Variants in CTNNBIP1 observed in about 807,000 individuals in gnomAD.
CTNNBIP1 encodes the protein catenin beta interacting protein 1, also known as beta-catenin-interacting protein 1.
Under a neutral mutation model 11.8 loss-of-function variants are expected in CTNNBIP1, and 7 were observed. That is an observed-to-expected ratio of 0.60 (90% CI 0.34 to 1.12). The LOEUF (loss-of-function observed/expected upper bound fraction) is 1.12, where lower values mean the gene tolerates loss of function less well. Among genes scored for constraint, CTNNBIP1 ranks in the 50% most tolerant of loss-of-function variants. The pLI is 0.03. For missense variants in CTNNBIP1, 101 were observed against 113.4 expected, an observed-to-expected ratio of 0.89 and a Z score of 0.50; for synonymous variants, 58 against 43.9, an observed-to-expected ratio of 1.32 and a Z score of -1.26.
chr1:9,856,123 G>T (rs2101436233), intron 5 of CTNNBIP1, among the ~76,000 whole-genome samples: 1 of 152,018 alleles, frequency 6.6e-6, no homozygotes, highest in South Asian at 2.1e-4. Context: ...ATTCTAGTCT[G>T]GGCGACAGAG....
At chr1:9,898,840 G>C (rs1639461274) in intron 1 of CTNNBIP1, among the ~76,000 whole-genome samples, 1 of 151,986 alleles carries the variant, frequency 6.6e-6, no homozygotes, top group Admixed American at 6.6e-5. Context: ...ATTATTCACA[G>C]TACCTGATAA....
chr1:9,857,629 C>T (rs562432124), intron 5 of CTNNBIP1, among the ~76,000 whole-genome samples: 4 of 152,110 alleles, frequency 2.6e-5, no homozygotes, highest in South Asian at 4.2e-4. Flanking sequence ...GGTGAAACCC[C>T]GTATCTACTA....
chr1:9,897,347 A>G (rs1404446455), intron 1 of CTNNBIP1, among the ~76,000 whole-genome samples: 1 of 152,132 alleles, frequency 6.6e-6, no homozygotes, highest in Admixed American at 6.5e-5. Flanking sequence ...CCAGCTACTC[A>G]GGAGGCTGAG....
chr1:9,872,172 C>T lies in CTNNBIP1; in HGVS notation c.-24-84G>A. Reference sequence around the variant, plus strand: ...ATGACACCTGCTAGTGACCCTCACTCCTCCCAGGAGCCGCTTTCCACCCAC... The same window carrying T: ...ATGACACCTGCTAGTGACCCTCACTTCTCCCAGGAGCCGCTTTCCACCCAC... On this transcript the variant is annotated intron_variant, in intron 3 of 5. Transcript: ENST00000377263. The surrounding 1 kb of genome is among the most constrained non-coding windows in gnomAD (Gnocchi z 4.0). The T allele has an allele frequency of 1.2e-6, 1 of 839,762 alleles. No homozygotes were observed. Among genetic ancestry groups the T allele is most frequent in the Non-Finnish European group, 2.0e-6 (1 of 511,232 alleles). The allele number at this position is 839,762 out of a possible 1,614,324, so 52.0% of individuals were successfully genotyped here.
chr1:9,858,432 T>C (rs1317013357), intron 5 of CTNNBIP1, among the ~76,000 whole-genome samples: 1 of 152,078 alleles, frequency 6.6e-6, no homozygotes, highest in African/African-American at 2.4e-5. Flanking sequence ...ACAACACACC[T>C]CTCACCACTC....
intron 5 of CTNNBIP1, among the ~76,000 whole-genome samples, chr1:9,864,328 C>A (rs1358755552): frequency 6.6e-6 from 1 of 152,206 alleles, no homozygotes; most frequent in African/African-American, 2.4e-5. Context: ...AACACCTTGA[C>A]AAGGGCCTTT....
intron 1 of CTNNBIP1, among the ~76,000 whole-genome samples, chr1:9,906,743 C>A (rs1639627781): frequency 2.0e-5 from 3 of 152,142 alleles, no homozygotes. Context: ...CTATATTGCA[C>A]CCTGGATGAG....
chr1:9,871,106 G>T lies in CTNNBIP1; in HGVS notation c.187+81C>A. On this transcript the variant is annotated intron_variant, in intron 5 of 5. Coordinates refer to ENST00000377263, the MANE Select transcript of CTNNBIP1 (RefSeq NM_020248.3). The surrounding 1 kb of genome is among the most constrained non-coding windows in gnomAD (Gnocchi z 5.2). Reference sequence around the variant, plus strand: ...ATGGATCACCCATCAAAGAGGGCTGGAGCTACGCTTTCTAAGGGAACCACA... The same window carrying T: ...ATGGATCACCCATCAAAGAGGGCTGTAGCTACGCTTTCTAAGGGAACCACA... 9.4e-7 allele frequency: 1 copy of T among 1,058,952 alleles called. No individual in the cohort carries two copies. The highest frequency in any genetic ancestry group is 1.4e-6 in the Non-Finnish European group (1 of 720,122). 65.6% of individuals were successfully genotyped at this position (1,058,952 alleles called of 1,614,324 possible).
intron 3 of CTNNBIP1, among the ~76,000 whole-genome samples, chr1:9,876,818 G>T (rs1258805445): frequency 6.8e-6 from 1 of 147,766 alleles, no homozygotes; most frequent in Non-Finnish European, 1.5e-5. Context: ...CTTCAATTTA[G>T]ACACAGAGAC....
chr1:9,852,459 C>T (rs922780475), intron 5 of CTNNBIP1, among the ~76,000 whole-genome samples: 3 of 152,298 alleles, frequency 2.0e-5, no homozygotes, highest in African/African-American at 4.8e-5. Context: ...ACGAGTTGTC[C>T]AGCTTCCTAG....
intron 5 of CTNNBIP1, among the ~76,000 whole-genome samples, chr1:9,858,053 C>T (rs1638545291): frequency 6.6e-6 from 1 of 152,090 alleles, no homozygotes; most frequent in Non-Finnish European, 1.5e-5. Flanking sequence ...CTTCCCAACC[C>T]CTCTGTCATA....
chr1:9,873,645 G>A (rs1375362809), intron 3 of CTNNBIP1, among the ~76,000 whole-genome samples: 1 of 152,168 alleles, frequency 6.6e-6, no homozygotes, highest in Non-Finnish European at 1.5e-5. Context: ...TTCCCCAGTG[G>A]CCACCTGGAT....
intron 5 of CTNNBIP1, 123 bp from the exon 6 acceptor site, chr1:9,850,899 A>G (rs1042567403): frequency 4.6e-6 from 4 of 874,458 alleles, no homozygotes; most frequent in Non-Finnish European, 7.8e-6. Flanking sequence ...CTCTCTGAGG[A>G]CAAAGTACTT....
chr1:9,900,055 C>G (rs1255636517), intron 1 of CTNNBIP1, among the ~76,000 whole-genome samples: 1 of 145,110 alleles, frequency 6.9e-6, no homozygotes, highest in Non-Finnish European at 1.5e-5. Flanking sequence ...GCCTGGACGA[C>G]AAGACTCCGT....
chr1:9,850,096 C>T lies in CTNNBIP1; in HGVS notation c.*622G>A, dbSNP rs1170693269. Reference sequence around the variant, plus strand: ...ACACGCATCGAAAGCCAATCAAACACAAACCCCAAATGTGAAGGCAGCAGC... The same window carrying T: ...ACACGCATCGAAAGCCAATCAAACATAAACCCCAAATGTGAAGGCAGCAGC... On this transcript the variant is annotated 3_prime_UTR_variant, in exon 6 of 6. Coordinates refer to ENST00000377263, the MANE Select transcript of CTNNBIP1 (RefSeq NM_020248.3). The T allele has an allele frequency of 6.6e-6, 1 of 152,658 alleles. No homozygotes were observed. Among genetic ancestry groups the T allele is most frequent in the Non-Finnish European group, 1.5e-5 (1 of 68,062 alleles). 9.5% of individuals were successfully genotyped at this position (152,658 alleles called of 1,614,324 possible).
At chr1:9,897,675 G>A (rs903643977) in intron 1 of CTNNBIP1, among the ~76,000 whole-genome samples, 4 of 151,764 alleles carry the variant, frequency 2.6e-5, no homozygotes, top group Non-Finnish European at 4.4e-5. Context: ...TTAGCCAAGC[G>A]TGGTGGCAGG....
rs1026035530 is a variant in CTNNBIP1 at position 9,851,587 on chromosome 1, G to A, written c.188-811C>T. Among the ~76,000 whole-genome samples, 1 of 152,140 alleles carries A rather than the reference G, an allele frequency of 6.6e-6. No individual in the cohort carries two copies. On this transcript the variant is annotated intron_variant, in intron 5 of 5. Transcript: ENST00000377263. This position sits in a 1 kb window ranked among gnomAD's most constrained non-coding sequence, Gnocchi z 4.8. ...GAGGTTTCACCATGTTGGTCAGGCT[G>A]GTCTCAAACTCCTGACCTCATGATC... is the stretch of plus-strand genomic sequence containing the variant.
At chr1:9,878,791 G>A (rs1389556403) in intron 2 of CTNNBIP1, among the ~76,000 whole-genome samples, 1 of 152,198 alleles carries the variant, frequency 6.6e-6, no homozygotes, top group African/African-American at 2.4e-5. Context: ...CTCTGCTGGG[G>A]TGCAAGACCC....
chr1:9,857,809 TAAC>T lies in CTNNBIP1; in HGVS notation c.188-7036_188-7034del, dbSNP rs199798148. Reference sequence around the variant, plus strand: ...GACCAAGATTCCGTCTCAAAAACAATAACAACAACAACAACAAAAATCCAAAAC... The same window carrying T: ...GACCAAGATTCCGTCTCAAAAACAATAACAACAACAACAAAAATCCAAAAC... On this transcript the variant is annotated intron_variant, in intron 5 of 5. Coordinates refer to ENST00000377263, the MANE Select transcript of CTNNBIP1 (RefSeq NM_020248.3). Among the ~76,000 whole-genome samples the T allele has an allele frequency of 6.4e-4, 98 of 152,078 alleles. No individual in the cohort carries two copies. In the East Asian group the frequency reaches 8.7e-3, roughly 13 times the overall value.
Sources: allele counts gnomAD v4.1 joint callset (sites outside exome capture counted in the v4.1 genomes callset), GRCh38; gene constraint gnomAD v4.1.1; non-coding constraint Gnocchi (gnomAD v3.1); transcripts MANE v1.5; gene names NCBI Gene and HGNC (gene_info 2026-07-23, HGNC 2026-07-21).